CSMD1: variants seen among roughly 807,000 people sequenced by gnomAD.
The protein encoded by CSMD1 is CUB and Sushi multiple domains 1.
In CSMD1, 213 loss-of-function variants were observed where a neutral mutation model predicts 417.5. The observed-to-expected ratio is 0.51, with a 90% CI of 0.46 to 0.57. The LOEUF (loss-of-function observed/expected upper bound fraction) is 0.57. CSMD1 is among the 20% of genes least tolerant of loss of function. CSMD1 has a pLI of 0.00. For synonymous variants in CSMD1, 2,862 were observed against 1,736.8 expected (o/e 1.65, Z -16.11); for missense variants, 6,923 against 4,529.7 (o/e 1.53, Z -15.17).
chr8:4,768,823 G>T (rs1174266550), intron 1 of CSMD1, among the ~76,000 whole-genome samples: 1 of 152,142 alleles, frequency 6.6e-6, no homozygotes, highest in East Asian at 1.9e-4. Context: ...GGAAATAGAA[G>T]CAGTTATTAT....
At chr8:3,249,107 A>C (rs17319652) in intron 26 of CSMD1, among the ~76,000 whole-genome samples, 47,962 of 152,024 alleles carry the variant, frequency 0.32, 7,925 homozygotes, top group Admixed American at 0.38. Flanking sequence ...TGTTTAAAGC[A>C]CTTAGCCCGA....
intron 5 of CSMD1, among the ~76,000 whole-genome samples, chr8:3,830,110 G>A (rs1265899317): frequency 6.6e-6 from 1 of 152,156 alleles, no homozygotes; most frequent in Non-Finnish European, 1.5e-5. Context: ...TGACCCTAAA[G>A]TGAAGGAGAG....
chr8:4,911,085 T>G (rs1375799193), intron 1 of CSMD1, among the ~76,000 whole-genome samples: 1 of 152,222 alleles, frequency 6.6e-6, no homozygotes, highest in Admixed American at 6.5e-5. Flanking sequence ...TTGTGAGGCC[T>G]CCCCAGCCAT....
chr8:4,515,206 A>C (rs894425518), intron 2 of CSMD1, among the ~76,000 whole-genome samples: 4 of 152,222 alleles, frequency 2.6e-5, no homozygotes, highest in African/African-American at 9.6e-5. Context: ...TAGTTAAAAA[A>C]TATTTAATGA....
intron 1 of CSMD1, among the ~76,000 whole-genome samples, chr8:4,933,921 T>G (rs1383827241): frequency 1.3e-5 from 2 of 152,152 alleles, no homozygotes; most frequent in Non-Finnish European, 2.9e-5. Flanking sequence ...ATTTTTAAAT[T>G]TCATAATAGG....
chr8:3,178,993 G>C (rs1427611056), intron 37 of CSMD1, among the ~76,000 whole-genome samples: 1 of 149,026 alleles, frequency 6.7e-6, no homozygotes, highest in East Asian at 2.0e-4. Context: ...TGTCACCCAG[G>C]CTGGAGTGCA....
chr8:3,423,216 T>G (rs1485005921), intron 12 of CSMD1, among the ~76,000 whole-genome samples: 1 of 152,214 alleles, frequency 6.6e-6, no homozygotes, highest in Non-Finnish European at 1.5e-5. Flanking sequence ...TTAAGGAGTC[T>G]TAATTTAATT....
In CSMD1 at chr8:4,032,031, T is replaced by G. The variant is rs1797374371; in HGVS notation, c.484A>C (p.Asn162His). The stretch of plus-strand genomic sequence containing the variant: ...CTGTACCGGATTTTGTCTCCTATGT[T>G]GAATCTCGTTCCATGCAGAACTCCT... ...LKGVLHGTRF[N>H]IGDKIRYSCL... Residue 162 changes from asparagine (N) to histidine (H), a missense_variant, in exon 4 of 70, where the codon AAC (asparagine) becomes CAC (histidine). Asn to His is a moderately conservative substitution (Grantham distance 68). Transcript: ENST00000635120. The G allele has an allele frequency of 1.2e-6, 2 of 1,613,976 alleles. No individual in the cohort carries two copies. The highest frequency in any genetic ancestry group is 2.2e-5 in the East Asian group (1 of 44,874).
chr8:3,683,474 G>A (rs1192252733), intron 7 of CSMD1, among the ~76,000 whole-genome samples: 1 of 152,076 alleles, frequency 6.6e-6, no homozygotes, highest in African/African-American at 2.4e-5. Context: ...TTTCTGGAGG[G>A]GTGTTCATAG....
At chr8:3,512,324 AC>A (rs1260671571) in intron 10 of CSMD1, among the ~76,000 whole-genome samples, 1 of 152,156 alleles carries the variant, frequency 6.6e-6, no homozygotes, top group Non-Finnish European at 1.5e-5. Flanking sequence ...TTTGTTCTAT[AC>A]CCACAGCCTC....
chr8:4,380,628 T>C (rs1314409812), intron 3 of CSMD1, among the ~76,000 whole-genome samples: 1 of 152,166 alleles, frequency 6.6e-6, no homozygotes, highest in Admixed American at 6.5e-5. Context: ...GTACGGACTG[T>C]AGTCATTAAA....
chr8:3,436,933 A>C (rs1340819100), intron 12 of CSMD1, among the ~76,000 whole-genome samples: 1 of 152,196 alleles, frequency 6.6e-6, no homozygotes, highest in Non-Finnish European at 1.5e-5. Context: ...TCTCCAAAAA[A>C]AAGAGTGTGA....
intron 3 of CSMD1, among the ~76,000 whole-genome samples, chr8:4,126,261 G>A (rs1354861428): frequency 2.6e-5 from 4 of 152,088 alleles, no homozygotes; most frequent in African/African-American, 7.2e-5. Flanking sequence ...CACACGACCG[G>A]CTCTGCATGA....
chr8:4,201,501 G>C (rs919409823), intron 3 of CSMD1, among the ~76,000 whole-genome samples: 2 of 118,028 alleles, frequency 1.7e-5, no homozygotes, highest in African/African-American at 3.3e-5. Context: ...TAGCGCCACT[G>C]CCGTCCGGCC....
intron 11 of CSMD1, among the ~76,000 whole-genome samples, chr8:3,485,741 C>T (rs565692591): frequency 1.3e-5 from 2 of 149,084 alleles, no homozygotes; most frequent in South Asian, 2.1e-4. Context: ...GCCTGGGTGA[C>T]AGAGCGAGAC....
At chr8:3,036,430 T>C (rs1028310706) in intron 50 of CSMD1, among the ~76,000 whole-genome samples, 3 of 152,176 alleles carry the variant, frequency 2.0e-5, no homozygotes, top group African/African-American at 7.2e-5. Flanking sequence ...GTACTCAATG[T>C]GGGTAAGTGC....
intron 2 of CSMD1, among the ~76,000 whole-genome samples, chr8:4,625,467 T>C (rs1164616747): frequency 6.6e-6 from 1 of 152,038 alleles, no homozygotes; most frequent in Non-Finnish European, 1.5e-5. Context: ...AGCACAATCA[T>C]CGTAAATACT....
chr8:3,995,495 C>G (rs1206009668), intron 5 of CSMD1, among the ~76,000 whole-genome samples: 1 of 152,214 alleles, frequency 6.6e-6, no homozygotes, highest in Admixed American at 6.5e-5. Flanking sequence ...AGAAACTCTA[C>G]TTCTCTGACA....
intron 11 of CSMD1, among the ~76,000 whole-genome samples, chr8:3,481,181 C>T (rs111725083): frequency 0.053 from 5,688 of 106,634 alleles, 240 homozygotes; most frequent in East Asian, 0.26. Flanking sequence ...AAAAAAAAAC[C>T]AGAGTAGTTG....
Sources: allele counts gnomAD v4.1 joint callset (sites outside exome capture counted in the v4.1 genomes callset), GRCh38; gene constraint gnomAD v4.1.1; transcripts MANE v1.5; gene names NCBI Gene and HGNC (gene_info 2026-07-23, HGNC 2026-07-21).